TRHDE: variants seen among roughly 807,000 people sequenced by gnomAD.
The protein encoded by TRHDE is thyrotropin releasing hormone degrading enzyme, also known as thyrotropin-releasing hormone-degrading ectoenzyme.
Under a neutral mutation model 125.7 loss-of-function variants are expected in TRHDE, and 72 were observed. The observed-to-expected ratio is 0.57, with a 90% CI of 0.47 to 0.70. The LOEUF is 0.70. Among genes scored for constraint, TRHDE ranks in the 30% least tolerant of loss-of-function variants. TRHDE has a pLI of 0.00. For missense variants in TRHDE, 1,110 were observed against 1,327.1 expected (o/e 0.84, Z 2.54); for synonymous variants, 509 against 509.1 (o/e 1.00, Z 0.00).
Position 72,187,288 on chromosome 12 carries a change from C to T in TRHDE, n.279+81536C>T, listed in dbSNP as rs117214256. Among the ~76,000 whole-genome samples, 103 of 146,846 alleles carry T rather than the reference C, an allele frequency of 7.0e-4. 1 individual carries two copies. In the East Asian group the frequency reaches 0.017, roughly 24 times the overall value. The stretch of plus-strand genomic sequence containing the variant: ...AACTTGGTTAAGGTCATGTAGTGTA[C>T]TAGGGTTCTTCAGAGAAACACAACA... On this transcript the variant is annotated intron_variant and non_coding_transcript_variant, in intron 2 of 4. Transcript: ENST00000548156.
intron 6 of TRHDE, among the ~76,000 whole-genome samples, chr12:72,507,589 T>C (rs908209865): frequency 1.3e-5 from 2 of 152,156 alleles, no homozygotes; most frequent in African/African-American, 4.8e-5. Context: ...TGATCTGAAA[T>C]TGTATGAAAC....
intron 2 of TRHDE, among the ~76,000 whole-genome samples, chr12:72,287,614 C>T (rs1879939484): frequency 6.6e-6 from 1 of 150,860 alleles, no homozygotes; most frequent in African/African-American, 2.5e-5. Context: ...ACTTACAATA[C>T]ATACCCTATT....
chr12:72,218,936 C>G (rs1226138934), intron 2 of TRHDE, among the ~76,000 whole-genome samples: 1 of 152,138 alleles, frequency 6.6e-6, no homozygotes, highest in Non-Finnish European at 1.5e-5. Flanking sequence ...TATTATTCAA[C>G]CCATTTTAAC....
At chr12:72,253,741 A>AG in intron 2 of TRHDE, 1 of 152,188 alleles carries the variant, frequency 6.6e-6, no homozygotes, top group Admixed American at 6.5e-5. Flanking sequence ...AGAGTTTTTA[A>AG]TTACAAATGA....
At chr12:72,557,351 A>G (rs545222081) in intron 7 of TRHDE, among the ~76,000 whole-genome samples, 4 of 152,208 alleles carry the variant, frequency 2.6e-5, no homozygotes, top group Non-Finnish European at 5.9e-5. Context: ...AAATAATTCC[A>G]GAAGAAAGTG....
intron 2 of TRHDE, among the ~76,000 whole-genome samples, chr12:72,345,384 A>G (rs1023228712): frequency 1.3e-5 from 2 of 152,116 alleles, no homozygotes; most frequent in Non-Finnish European, 2.9e-5. Context: ...CAGAGCTGGG[A>G]AGAGATGCAT....
intron 3 of TRHDE, among the ~76,000 whole-genome samples, chr12:72,392,031 C>T (rs942232930): frequency 6.6e-6 from 1 of 151,960 alleles, no homozygotes; most frequent in African/African-American, 2.4e-5. Flanking sequence ...GAAGAGAGAT[C>T]TCTCTCTCTC....
At chr12:72,246,561 G>C (rs1436354556) in intron 2 of TRHDE, among the ~76,000 whole-genome samples, 1 of 151,912 alleles carries the variant, frequency 6.6e-6, no homozygotes, top group Non-Finnish European at 1.5e-5. Context: ...GGTCTTCCTC[G>C]GGCCTGCTCA....
chr12:72,513,644 T>C (rs1188331708), intron 6 of TRHDE, among the ~76,000 whole-genome samples: 1 of 152,090 alleles, frequency 6.6e-6, no homozygotes, highest in Non-Finnish European at 1.5e-5. Flanking sequence ...TGAATCAGTA[T>C]TAGGAGGCTT....
intron 3 of TRHDE, among the ~76,000 whole-genome samples, chr12:72,426,719 A>T (rs970833447): frequency 6.2e-5 from 9 of 144,004 alleles, no homozygotes; most frequent in Admixed American, 1.4e-4. Context: ...AAATAGATTT[A>T]AAAAAAAAAA....
At chr12:72,342,129 A>G (rs1055484137) in intron 2 of TRHDE, among the ~76,000 whole-genome samples, 1 of 152,010 alleles carries the variant, frequency 6.6e-6, no homozygotes, top group Admixed American at 6.6e-5. Flanking sequence ...AATTGCCCAT[A>G]TTTGTTACTT....
intron 2 of TRHDE, among the ~76,000 whole-genome samples, chr12:72,124,135 G>T (rs17110876): frequency 6.6e-6 from 1 of 152,004 alleles, no homozygotes; most frequent in Non-Finnish European, 1.5e-5. Context: ...CATCTAATTC[G>T]TAGTGCCTCT....
In TRHDE at chr12:72,499,519, G is replaced by A. The variant is rs372727018; in HGVS notation, c.1606G>A (p.Asp536Asn). The change falls in exon 6 of 19, where the codon GAT becomes AAT. Residue 536 changes from aspartate to asparagine, a missense_variant. This residue lies in a region of TRHDE where 527 missense variants were observed against 651.8 expected (regional missense o/e 0.81). Coordinates refer to ENST00000261180, the MANE Select transcript of TRHDE (RefSeq NM_013381.3). Reference sequence around the variant, plus strand: ...GCAGGAAAAGCAGAGGTTTCTGACCGATGTTCTGCATGAAGTGATGCTGCT... The same window carrying A: ...GCAGGAAAAGCAGAGGTTTCTGACCAATGTTCTGCATGAAGTGATGCTGCT... Reference protein sequence around the residue: ...WNMEKQRFLTDVLHEVMLLDG... With the variant: ...WNMEKQRFLTNVLHEVMLLDG... 3.7e-6 allele frequency: 6 copies of A among 1,613,534 alleles called. No homozygotes were observed. Among genetic ancestry groups the A allele is most frequent in the Non-Finnish European group, 5.1e-6 (6 of 1,179,782 alleles).
At chr12:72,446,424 T>C (rs1296591318) in intron 3 of TRHDE, among the ~76,000 whole-genome samples, 7 of 152,004 alleles carry the variant, frequency 4.6e-5, no homozygotes, top group East Asian at 3.9e-4. Flanking sequence ...CTAAAGACCA[T>C]TGATGCTAGG....
Position 72,666,650 on chromosome 12 carries a change from T to G in TRHDE, c.*3455T>G, listed in dbSNP as rs1053442879. The G allele has an allele frequency of 1.3e-5, 2 of 152,104 alleles. No individual in the cohort carries two copies. The highest frequency in any genetic ancestry group is 4.8e-5 in the African/African-American group (2 of 41,448). 9.4% of individuals were successfully genotyped at this position (152,104 alleles called of 1,614,324 possible). ...ATTCCCCAACTAAAATATAAATATA[T>G]GTTGAAAATATCTCTATCGATTGCA... On this transcript the variant is annotated 3_prime_UTR_variant, in exon 19 of 19. Transcript: ENST00000261180.
chr12:72,554,002 C>A (rs1215648916), intron 7 of TRHDE, among the ~76,000 whole-genome samples: 12 of 151,906 alleles, frequency 7.9e-5, no homozygotes. Context: ...TGGCTGCCAC[C>A]TCACCTGGCT....
chr12:72,599,514 C>T (rs1225278991), intron 12 of TRHDE, among the ~76,000 whole-genome samples: 8 of 152,036 alleles, frequency 5.3e-5, no homozygotes, highest in Non-Finnish European at 1.0e-4. Flanking sequence ...ACTTGTATGC[C>T]TTCTTTTGAG....
At chr12:72,552,688 T>A (rs1396703307) in intron 7 of TRHDE, among the ~76,000 whole-genome samples, 1 of 152,130 alleles carries the variant, frequency 6.6e-6, no homozygotes, top group Non-Finnish European at 1.5e-5. Flanking sequence ...TGTAAATTCA[T>A]TGATTTCAGT....
intron 2 of TRHDE, among the ~76,000 whole-genome samples, chr12:72,353,783 C>T (rs930346885): frequency 9.9e-5 from 15 of 151,594 alleles, no homozygotes; most frequent in Non-Finnish European, 1.9e-4. Flanking sequence ...CTGATACTTA[C>T]AAATGCTGGG....
Sources: gnomAD v4.1 joint callset for allele counts (sites outside exome capture counted in the v4.1 genomes callset) on GRCh38, gnomAD v4.1.1 for gene constraint, gnomAD v4.1.1 regional missense constraint, MANE v1.5 for transcripts, NCBI Gene and HGNC (gene_info 2026-07-23, HGNC 2026-07-21) for gene names.